Variants in MEF2C observed in about 807,000 individuals in gnomAD.
MEF2C encodes the protein myocyte-specific enhancer factor 2C.
In MEF2C, 6 loss-of-function variants were observed where a neutral mutation model predicts 50.5. The observed-to-expected ratio is 0.12, with a 90% confidence interval of 0.07 to 0.23. The LOEUF is 0.23. Ranked by LOEUF, MEF2C falls within the 10% of genes least tolerant of loss-of-function variation. MEF2C has a pLI of 1.00. For synonymous variants in MEF2C, 183 were observed against 228.0 expected (o/e 0.80, Z 1.78); for missense variants, 276 against 605.0 (o/e 0.46, Z 5.70).
chr5:88,903,450 A>G (rs1049539452), intron 1 of MEF2C, among the ~76,000 whole-genome samples: 4 of 151,916 alleles, frequency 2.6e-5, no homozygotes, highest in Non-Finnish European at 5.9e-5. Flanking sequence ...GTTCTCTCTA[A>G]TCATGTTCTT....
rs1760892230 is a variant in MEF2C at position 88,730,316 on chromosome 5, A to G, written c.811-82T>C. 2.1e-6 allele frequency: 3 copies of G among 1,436,512 alleles called. No homozygotes were observed. The South Asian group carries it at 3.7e-5, about 18-fold the overall frequency. The allele number at this position is 1,436,512 out of a possible 1,614,324, so 89.0% of individuals were successfully genotyped here. ...GCAAAATCTTTTCAACAAAAGGAAA[A>G]GCATCTTCCGATAGACACAACAGTT... On this transcript the variant is annotated intron_variant, in intron 7 of 10. Coordinates refer to ENST00000504921, the MANE Select transcript of MEF2C (RefSeq NM_002397.5).
At chr5:88,791,381 TAAAG>T (rs1793672688) in intron 3 of MEF2C, among the ~76,000 whole-genome samples, 1 of 152,170 alleles carries the variant, frequency 6.6e-6, no homozygotes, top group African/African-American at 2.4e-5. Context: ...TTAATATTGA[TAAAG>T]AAATTATATT....
intron 1 of MEF2C, among the ~76,000 whole-genome samples, chr5:88,827,552 A>G (rs537637177): frequency 6.6e-6 from 1 of 152,076 alleles, no homozygotes; most frequent in Non-Finnish European, 1.5e-5. Flanking sequence ...GACAATTCAG[A>G]CCGGGAGCGT....
At chr5:88,863,072 T>C (rs2153428193) in intron 1 of MEF2C, among the ~76,000 whole-genome samples, 1 of 152,348 alleles carries the variant, frequency 6.6e-6, no homozygotes, top group East Asian at 1.9e-4. Context: ...TCTGGAGTAC[T>C]GCCAGGATTT....
intron 6 of MEF2C, chr5:88,734,878 T>C (rs1249094562): frequency 1.0e-6 from 1 of 978,616 alleles, no homozygotes; most frequent in Non-Finnish European, 1.2e-6. Flanking sequence ...TTTTGAACCA[T>C]GATGACACTT....
intron 1 of MEF2C, among the ~76,000 whole-genome samples, chr5:88,865,602 G>T (rs1165161702): frequency 1.3e-5 from 2 of 152,064 alleles, no homozygotes; most frequent in Non-Finnish European, 2.9e-5. Context: ...TATAAATATG[G>T]TGTTTTATGG....
At chr5:88,787,005 T>C (rs969214458) in intron 3 of MEF2C, among the ~76,000 whole-genome samples, 12 of 152,360 alleles carry the variant, frequency 7.9e-5, no homozygotes, top group Admixed American at 7.8e-4. Context: ...CAAATGATCT[T>C]CATGTCCATC....
At chr5:88,865,404 A>T (rs1826963685) in intron 1 of MEF2C, among the ~76,000 whole-genome samples, 2 of 152,168 alleles carry the variant, frequency 1.3e-5, no homozygotes, top group African/African-American at 2.4e-5. Context: ...TAAATTTTTT[A>T]AAAAGGCTTT....
intron 1 of MEF2C, among the ~76,000 whole-genome samples, chr5:88,874,733 G>A (rs1360809293): frequency 6.6e-6 from 1 of 151,900 alleles, no homozygotes; most frequent in Non-Finnish European, 1.5e-5. Context: ...ACACTTAACT[G>A]TTGGTCTAAT....
At chr5:88,783,199 C>T (rs188426449) in intron 3 of MEF2C, among the ~76,000 whole-genome samples, 2 of 152,218 alleles carry the variant, frequency 1.3e-5, no homozygotes, top group African/African-American at 4.8e-5. Context: ...TCATGGTCGT[C>T]GTTATCATTA....
intron 1 of MEF2C, among the ~76,000 whole-genome samples, chr5:88,854,768 C>T (rs1021156715): frequency 6.6e-6 from 1 of 152,078 alleles, no homozygotes; most frequent in Non-Finnish European, 1.5e-5. Flanking sequence ...TACATTATTT[C>T]CATTTTACAG....
At chr5:88,868,058 C>A (rs989959733) in intron 1 of MEF2C, among the ~76,000 whole-genome samples, 2 of 152,130 alleles carry the variant, frequency 1.3e-5, no homozygotes, top group Non-Finnish European at 2.9e-5. Flanking sequence ...CTCCCAACCA[C>A]AAAGGAGGGT....
chr5:88,896,809 C>T (rs1358180258), intron 1 of MEF2C, among the ~76,000 whole-genome samples: 2 of 152,164 alleles, frequency 1.3e-5, no homozygotes, highest in African/African-American at 4.8e-5. Context: ...TTCCTCCCAA[C>T]TATTCCATTT....
rs930413962 is a variant in MEF2C, at chr5:88,737,595, A to G, written c.638-5694T>C. On this transcript the variant is annotated intron_variant, in intron 6 of 10. Transcript: ENST00000504921. ...TTCACCAAAAGATAAGCTGCATGGT[A>G]TCCTAGGGAAAAGAATGGTGGCAGG... is the stretch of plus-strand genomic sequence containing the variant. 2.2e-5 allele frequency: 22 copies of G among 985,308 alleles called. No individual in the cohort carries two copies. The African/African-American group carries it at 3.7e-4, about 16-fold the overall frequency. The allele number at this position is 985,308 out of a possible 1,614,324, so 61.0% of individuals were successfully genotyped here.
At chr5:88,900,085 A>G (rs1433178052) in intron 1 of MEF2C, among the ~76,000 whole-genome samples, 2 of 152,086 alleles carry the variant, frequency 1.3e-5, no homozygotes, top group Non-Finnish European at 2.9e-5. Context: ...ATAAATTCTT[A>G]TAAATTCAGA....
chr5:88,861,243 TTTCAATCAC>T (rs1202888551), intron 1 of MEF2C, among the ~76,000 whole-genome samples: 5 of 152,232 alleles, frequency 3.3e-5, no homozygotes, highest in Admixed American at 2.6e-4. Flanking sequence ...TGACTATACA[TTTCAATCAC>T]TTCAAACACT....
intron 1 of MEF2C, among the ~76,000 whole-genome samples, chr5:88,830,941 C>T (rs768509618): frequency 1.3e-5 from 2 of 152,170 alleles, no homozygotes; most frequent in East Asian, 1.9e-4. Flanking sequence ...AAGCACTATA[C>T]AACATCAACC....
At chr5:88,866,406 A>G (rs975951249) in intron 1 of MEF2C, among the ~76,000 whole-genome samples, 11 of 152,220 alleles carry the variant, frequency 7.2e-5, no homozygotes, top group African/African-American at 2.7e-4. Context: ...CAAAGCTTGT[A>G]TATCTGGTAA....
chr5:88,813,115 T>G (rs895607238), intron 2 of MEF2C, among the ~76,000 whole-genome samples: 1 of 152,184 alleles, frequency 6.6e-6, no homozygotes, highest in African/African-American at 2.4e-5. Flanking sequence ...GTATAGACTC[T>G]GCAGCCAACT....
Sources: allele counts gnomAD v4.1 joint callset (sites outside exome capture counted in the v4.1 genomes callset), GRCh38; gene constraint gnomAD v4.1.1; transcripts MANE v1.5; gene names NCBI Gene and HGNC (gene_info 2026-07-23, HGNC 2026-07-21).